GNPNAT1: variants seen among roughly 807,000 people sequenced by gnomAD.
GNPNAT1 encodes glucosamine 6-phosphate N-acetyltransferase.
A neutral mutation model predicts 19.8 loss-of-function variants in GNPNAT1; 11 were observed. That is an observed-to-expected ratio of 0.56 (90% confidence interval 0.35 to 0.92). GNPNAT1 has a LOEUF of 0.92. GNPNAT1 is among the 40% of genes least tolerant of loss of function. GNPNAT1 has a pLI of 0.01. For synonymous variants in GNPNAT1, 71 were observed against 72.3 expected (o/e 0.98, Z 0.09); for missense variants, 157 against 211.0 (o/e 0.74, Z 1.59).
At chr14:52,779,272 C>G (rs1882820789) in intron 5 of GNPNAT1, among the ~76,000 whole-genome samples, 2 of 152,070 alleles carry the variant, frequency 1.3e-5, no homozygotes, top group African/African-American at 2.4e-5. Flanking sequence ...GGAAACAAAG[C>G]AAGTCTACAT....
intron 1 of GNPNAT1, among the ~76,000 whole-genome samples, chr14:52,789,783 A>T (rs1302009264): frequency 6.6e-6 from 1 of 152,176 alleles, no homozygotes; most frequent in Admixed American, 6.5e-5. Context: ...GAATCTCATC[A>T]TATCATTAGG....
chr14:52,791,040 G>A lies in GNPNAT1; in HGVS notation c.-15+388C>T, dbSNP rs1420456466. Among the ~76,000 whole-genome samples, 3 of 152,118 alleles carry A rather than the reference G, an allele frequency of 2.0e-5. No homozygotes were observed. The highest frequency in any genetic ancestry group is 2.9e-5 in the Non-Finnish European group (2 of 68,024). ...GCGCCCGGGAATGGGAGAAGAGAAG[G>A]GGCCTGGGACGTTCGTGCCCATTCA... is the stretch of plus-strand genomic sequence containing the variant. On this transcript the variant is annotated intron_variant, in intron 1 of 5. Coordinates refer to ENST00000216410, the MANE Select transcript of GNPNAT1 (RefSeq NM_198066.4). This position sits in a 1 kb window ranked among gnomAD's most constrained non-coding sequence, Gnocchi z 4.1.
At chr14:52,778,481 G>A (rs746443902) in intron 5 of GNPNAT1, 23 bp from the exon 6 acceptor site, 6 of 1,577,908 alleles carry the variant, frequency 3.8e-6, no homozygotes, top group Non-Finnish European at 5.2e-6. Context: ...AAGGGGGTAG[G>A]GTGAGGAGAT....
Position 52,784,691 on chromosome 14 carries a change from CACTT to C in GNPNAT1, c.-14-31_-14-28del, listed in dbSNP as rs771832756. On this transcript the variant is annotated intron_variant, in intron 1 of 5. Transcript: ENST00000216410. Reference sequence around the variant, plus strand: ...TAAAATAAAAATTTGAATATTAAGTCACTTTATTTAATAGAAGGAAAATTATGAT... The same window carrying C: ...TAAAATAAAAATTTGAATATTAAGTCTATTTAATAGAAGGAAAATTATGAT... 17 of 1,000,124 alleles carry C rather than the reference CACTT, an allele frequency of 1.7e-5. No homozygotes were observed. The African/African-American group carries it at 2.9e-4, about 17-fold the overall frequency. The allele number at this position is 1,000,124 out of a possible 1,614,324, so 62.0% of individuals were successfully genotyped here.
At chr14:52,782,170 T>C (rs1226374986) in intron 3 of GNPNAT1, among the ~76,000 whole-genome samples, 1 of 152,086 alleles carries the variant, frequency 6.6e-6, no homozygotes, top group African/African-American at 2.4e-5. Context: ...GAACAACACT[T>C]AAAATACAAG....
chr14:52,778,657 T>C (rs1882801129), intron 5 of GNPNAT1, among the ~76,000 whole-genome samples, 199 bp from the exon 6 acceptor site: 2 of 152,118 alleles, frequency 1.3e-5, no homozygotes. Context: ...AATATACTTT[T>C]ATCTAGTAAT....
intron 2 of GNPNAT1, 112 bp from the exon 3 acceptor site, chr14:52,783,597 T>C: frequency 1.5e-6 from 1 of 662,344 alleles, no homozygotes; most frequent in Admixed American, 2.8e-5. Context: ...TTCAGAACTT[T>C]CTATAATCTT....
intron 5 of GNPNAT1, among the ~76,000 whole-genome samples, chr14:52,779,639 G>C (rs1882833459): frequency 7.1e-6 from 1 of 140,786 alleles, no homozygotes; most frequent in South Asian, 2.3e-4. Context: ...AGGCTCACTT[G>C]AGCCCCAGAA....
intron 4 of GNPNAT1, among the ~76,000 whole-genome samples, chr14:52,781,007 G>A (rs1040817864): frequency 6.6e-6 from 1 of 152,042 alleles, no homozygotes; most frequent in Non-Finnish European, 1.5e-5. Flanking sequence ...AATCTGATTA[G>A]CCCAAAAGTT....
At position 52,780,747 on chromosome 14, in the gene GNPNAT1, A is replaced by G. The variant is rs112594134; in HGVS notation, c.346-7T>C. 5.7e-6 allele frequency: 9 copies of G among 1,574,704 alleles called. No homozygotes were observed. Among genetic ancestry groups the G allele is most frequent in the African/African-American group, 5.4e-5 (4 of 74,258 alleles). The stretch of plus-strand genomic sequence containing the variant: ...CATCTTCTACTCTTCCTCTCTGAAA[A>G]TATTTACAATGTTTAAAGGAGTAAG... On this transcript the variant is annotated splice_polypyrimidine_tract_variant and splice_region_variant and intron_variant, in intron 4 of 5. Coordinates refer to ENST00000216410, the MANE Select transcript of GNPNAT1 (RefSeq NM_198066.4).
At chr14:52,784,808 A>G in intron 1 of GNPNAT1, 144 bp from the exon 2 acceptor site, 3 of 412,914 alleles carry the variant, frequency 7.3e-6, no homozygotes, top group Non-Finnish European at 8.5e-6. Flanking sequence ...GCCTGAATCT[A>G]ACATTAAATT....
At position 52,778,327 on chromosome 14, in the gene GNPNAT1, C is replaced by T. The variant is rs377466243; in HGVS notation, c.539G>A (p.Arg180Gln). Reference protein sequence around the residue: ...YTVSEENYMCRRFLK With the variant: ...YTVSEENYMCQRFLK Reference sequence around the variant, plus strand: ...ACAAGATTTTTACTTTAGAAACCTCCGACACATGTAGTTTTCTTCAGATAC... The same window carrying T: ...ACAAGATTTTTACTTTAGAAACCTCTGACACATGTAGTTTTCTTCAGATAC... The change falls in exon 6 of 6, where the codon CGG becomes CAG. Residue 180 changes from arginine to glutamine, a missense_variant. By Grantham distance (43) the Arg-to-Gln change is conservative. Coordinates refer to ENST00000216410, the MANE Select transcript of GNPNAT1 (RefSeq NM_198066.4). The T allele has an allele frequency of 1.3e-5, 20 of 1,592,880 alleles. No homozygotes were observed. Among genetic ancestry groups the T allele is most frequent in the South Asian group, 3.4e-5 (3 of 87,944 alleles).
chr14:52,782,082 A>G (rs907612237), intron 3 of GNPNAT1, among the ~76,000 whole-genome samples, 171 bp from the exon 4 acceptor site: 2 of 152,110 alleles, frequency 1.3e-5, no homozygotes, highest in Admixed American at 6.5e-5. Flanking sequence ...AATATCAGCA[A>G]TTAGTATCAA....
At chr14:52,788,097 A>G (rs997491304) in intron 1 of GNPNAT1, among the ~76,000 whole-genome samples, 1 of 152,110 alleles carries the variant, frequency 6.6e-6, no homozygotes, top group African/African-American at 2.4e-5. Flanking sequence ...AACAAGTTTA[A>G]TAGCCATTCA....
At chr14:52,785,798 A>C (rs1180892741) in intron 1 of GNPNAT1, among the ~76,000 whole-genome samples, 3 of 145,596 alleles carry the variant, frequency 2.1e-5, no homozygotes, top group African/African-American at 5.1e-5. Flanking sequence ...CCCAGGCTGG[A>C]GTGCAATGAT....
rs1882747485 is a variant in GNPNAT1, at chr14:52,777,000, G to C, written c.*1311C>G. The C allele has an allele frequency of 6.6e-6, 1 of 152,222 alleles. No individual in the cohort carries two copies. The highest frequency in any genetic ancestry group is 6.5e-5 in the Admixed American group (1 of 15,280). The allele number at this position is 152,222 out of a possible 1,614,324, so 9.4% of individuals were successfully genotyped here. ...AAGGACAGATCAGTTCGTCTGTATA[G>C]GCTATAAGCAGGTAAGTAGTGCACT... is the stretch of plus-strand genomic sequence containing the variant. On this transcript the variant is annotated 3_prime_UTR_variant, in exon 6 of 6. Coordinates refer to ENST00000216410, the MANE Select transcript of GNPNAT1 (RefSeq NM_198066.4).
chr14:52,780,726 T>C lies in GNPNAT1; in HGVS notation c.360A>G (p.Glu120=), dbSNP rs779520863. The C allele has an allele frequency of 6.2e-7, 1 of 1,600,504 alleles. No homozygotes were observed. The highest frequency in any genetic ancestry group is 1.1e-5 in the South Asian group (1 of 90,252). ...IHSCAKRGRV[E]DVVVSDECRG... is the part of the protein sequence containing the mutation. ...TGCATTCATCACTAACAACAACATC[T>C]TCTACTCTTCCTCTCTGAAAATATT... is the stretch of plus-strand genomic sequence containing the variant. Residue 120 remains glutamate, a synonymous_variant, in exon 5 of 6, where the codon GAA becomes GAG. Transcript: ENST00000216410.
At chr14:52,779,700 G>A (rs988298873) in intron 5 of GNPNAT1, among the ~76,000 whole-genome samples, 9 of 91,170 alleles carry the variant, frequency 9.9e-5, no homozygotes, top group Non-Finnish European at 1.6e-4. Flanking sequence ...TCCAGCCTGG[G>A]CAACAGAAAG....
chr14:52,781,747 A>G (rs775538166), intron 4 of GNPNAT1, 37 bp downstream of exon 4: 1 of 1,556,120 alleles, frequency 6.4e-7, no homozygotes, highest in Admixed American at 2.2e-5. Context: ...GTTGTGCTAG[A>G]AAACAGCTGT....
Sources: allele counts gnomAD v4.1 joint callset (sites outside exome capture counted in the v4.1 genomes callset), GRCh38; gene constraint gnomAD v4.1.1; non-coding constraint Gnocchi (gnomAD v3.1); transcripts MANE v1.5; gene names NCBI Gene and HGNC (gene_info 2026-07-23, HGNC 2026-07-21).